SCN3A: variants seen among roughly 807,000 people sequenced by gnomAD.
SCN3A encodes sodium voltage-gated channel alpha subunit 3.
Under a neutral mutation model 187.6 loss-of-function variants are expected in SCN3A, and 60 were observed. The ratio of observed to expected loss-of-function variants is 0.32; its 90% CI spans 0.26 to 0.40. The LOEUF (loss-of-function observed/expected upper bound fraction) is 0.40, where lower values mean the gene tolerates loss of function less well. SCN3A is among the 10% of genes least tolerant of loss of function. The pLI is 1.00. For synonymous variants in SCN3A, 788 were observed against 829.2 expected (o/e 0.95, Z 0.85); for missense variants, 1,601 against 2,428.2 (o/e 0.66, Z 7.16).
Position 165,164,391 on chromosome 2 carries a change from C to T in SCN3A, c.602+1G>A. ...CTTATCAAATTTTCAAAGTTACTCA[C>T]GCCATCACAATGACACTGAAATCCA... On this transcript the variant is annotated splice_donor_variant, in intron 6 of 27. Transcript: ENST00000283254. LOFTEE classifies it high-confidence loss of function. 1.2e-6 allele frequency: 2 copies of T among 1,613,698 alleles called. No individual in the cohort carries two copies. Among genetic ancestry groups the T allele is most frequent in the South Asian group, 1.1e-5 (1 of 91,068 alleles).
chr2:165,122,876 G>A (rs1686778320), intron 18 of SCN3A: 1 of 152,154 alleles, frequency 6.6e-6, no homozygotes. Flanking sequence ...CTGCATTCTT[G>A]ATGGCTCCAG....
chr2:165,133,104 A>AT (rs1237821214), intron 15 of SCN3A, among the ~76,000 whole-genome samples: 1 of 152,180 alleles, frequency 6.6e-6, no homozygotes, highest in Non-Finnish European at 1.5e-5. Context: ...ACCAGTTAGA[A>AT]TGGCAATCAT....
chr2:165,151,037 T>C (rs938474100), intron 11 of SCN3A, among the ~76,000 whole-genome samples: 3 of 152,186 alleles, frequency 2.0e-5, no homozygotes, highest in African/African-American at 7.2e-5. Flanking sequence ...TATTTTAAAA[T>C]ATTTTCAAGT....
At position 165,176,141 on chromosome 2, in the gene SCN3A, A is replaced by T; in HGVS notation, c.254T>A (p.Ile85Asn). The change falls in exon 3 of 28, where the codon ATC becomes AAC. Residue 85 changes from isoleucine to asparagine, a missense_variant. This residue lies in a region of SCN3A where 122 missense variants were observed against 225.1 expected (regional missense o/e 0.54). Coordinates refer to ENST00000283254, the MANE Select transcript of SCN3A (RefSeq NM_006922.4). ...EPLEDLDPYY[I>N]NKKTFIVMNK... is the part of the protein sequence containing the mutation. Reference sequence around the variant, plus strand: ...AAAATCAATACTCACTTTCTTATTGATATAGTAGGGATCCAGGTCCTCCAG... The same window carrying T: ...AAAATCAATACTCACTTTCTTATTGTTATAGTAGGGATCCAGGTCCTCCAG... 1.9e-6 allele frequency: 3 copies of T among 1,613,430 alleles called. No individual in the cohort carries two copies. The highest frequency in any genetic ancestry group is 1.1e-5 in the South Asian group (1 of 91,058).
Position 165,088,517 on chromosome 2 carries a change from T to TTC in SCN3A, c.*1632_*1633insGA, listed in dbSNP as rs1390611457. 6.6e-6 allele frequency: 1 copy of TTC among 152,350 alleles called. No individual in the cohort carries two copies. The highest frequency in any genetic ancestry group is 1.5e-5 in the Non-Finnish European group (1 of 67,936). The allele number at this position is 152,350 out of a possible 1,614,324, so 9.4% of individuals were successfully genotyped here. A position where few individuals can be genotyped will look rare whatever the true frequency, so the allele number is the denominator to read the frequency against. The stretch of plus-strand genomic sequence containing the variant: ...CATAGTTGGTAGAAAATGATCTAGG[T>TTC]TTGAGTGTTTGACCAATGTATCTCC... On this transcript the variant is annotated 3_prime_UTR_variant, in exon 28 of 28. Transcript: ENST00000283254.
At chr2:165,178,683 A>C (rs1053148783) in intron 2 of SCN3A, among the ~76,000 whole-genome samples, 1 of 152,146 alleles carries the variant, frequency 6.6e-6, no homozygotes, top group Non-Finnish European at 1.5e-5. Context: ...ATTTTTCTCT[A>C]CTAATTTTGA....
In SCN3A at chr2:165,102,243, G is replaced by T. The variant is rs570195910; in HGVS notation, c.3844-1819C>A. ...AAGAAAAGTAAAACTGGGTGTGATG[G>T]CCTATGCCTGTAATACCAGTGCTTT... On this transcript the variant is annotated intron_variant, in intron 21 of 27. Transcript: ENST00000283254. Among the ~76,000 whole-genome samples, 6 of 152,350 alleles carry T rather than the reference G, an allele frequency of 3.9e-5. No homozygotes were observed. The East Asian group carries it at 9.7e-4, about 25-fold the overall frequency.
At chr2:165,105,182 C>A (rs188120282) in intron 21 of SCN3A, among the ~76,000 whole-genome samples, 1 of 152,200 alleles carries the variant, frequency 6.6e-6, no homozygotes, top group Non-Finnish European at 1.5e-5. Context: ...CTTCACCCAA[C>A]GCTCTCCAAC....
rs374119133 is a variant in SCN3A at position 165,110,828 on chromosome 2, G to C, written c.3843+2057C>G. On this transcript the variant is annotated intron_variant, in intron 21 of 27. Transcript: ENST00000283254. ...GCAAAGTAATTTTGGGGCACCATTCGTTTGTCATTCATTGAAACATTACTC... is the reference window on the plus strand; with the variant it reads ...GCAAAGTAATTTTGGGGCACCATTCCTTTGTCATTCATTGAAACATTACTC... 2.6e-5 allele frequency among the ~76,000 whole-genome samples: 4 copies of C among 152,088 alleles called. No individual in the cohort carries two copies. The East Asian group carries it at 7.7e-4, about 29-fold the overall frequency.
intron 2 of SCN3A, among the ~76,000 whole-genome samples, chr2:165,183,445 C>T (rs1691016551): frequency 6.6e-6 from 1 of 152,204 alleles, no homozygotes; most frequent in African/African-American, 2.4e-5. Flanking sequence ...TCTAGCCTCA[C>T]CTATCAGTGT....
intron 1 of SCN3A, among the ~76,000 whole-genome samples, chr2:165,200,749 A>G (rs1030693042): frequency 1.6e-4 from 24 of 152,024 alleles, no homozygotes; most frequent in Admixed American, 4.6e-4. Context: ...AAGGATTAGG[A>G]GGCCTGGGGT....
Position 165,176,007 on chromosome 2 carries a change from G to T in SCN3A, c.264+124C>A, listed in dbSNP as rs1690427246. 5 of 813,126 alleles carry T rather than the reference G, an allele frequency of 6.1e-6. No homozygotes were observed. In the South Asian group the frequency reaches 7.3e-5, roughly 12 times the overall value. The allele number at this position is 813,126 out of a possible 1,614,324, so 50.4% of individuals were successfully genotyped here. On this transcript the variant is annotated intron_variant, in intron 3 of 27. Coordinates refer to ENST00000283254, the MANE Select transcript of SCN3A (RefSeq NM_006922.4). Reference sequence around the variant, plus strand: ...TATATTGTGATAAAAATAAGTGACAGTGAAGAGTATTATAAAATCTTTAAC... The same window carrying T: ...TATATTGTGATAAAAATAAGTGACATTGAAGAGTATTATAAAATCTTTAAC...
chr2:165,176,472 G>T, intron 2 of SCN3A, 28 bp from the exon 3 acceptor site: 1 of 1,577,688 alleles, frequency 6.3e-7, no homozygotes, highest in Non-Finnish European at 8.7e-7. Flanking sequence ...TTGCACAAGA[G>T]TTAGGAAAGC....
rs377392930 is a variant in SCN3A at position 165,162,834 on chromosome 2, G to C, written c.695-6C>G. The C allele has an allele frequency of 6.8e-5, 109 of 1,613,912 alleles. 1 individual carries two copies. Among genetic ancestry groups the C allele is most frequent in the Non-Finnish European group, 7.3e-5 (86 of 1,179,940 alleles). Reference sequence around the variant, plus strand: ...CCCCACAATGGTCTTTAAACCTGCAGAGAGAGAACTATAGGTTACCTGAGG... The same window carrying C: ...CCCCACAATGGTCTTTAAACCTGCACAGAGAGAACTATAGGTTACCTGAGG... On this transcript the variant is annotated splice_polypyrimidine_tract_variant and splice_region_variant and intron_variant, in intron 7 of 27. Coordinates refer to ENST00000283254, the MANE Select transcript of SCN3A (RefSeq NM_006922.4).
intron 11 of SCN3A, among the ~76,000 whole-genome samples, chr2:165,147,753 T>C (rs1459433826): frequency 1.3e-5 from 2 of 152,192 alleles, no homozygotes; most frequent in African/African-American, 4.8e-5. Flanking sequence ...GCTTCAAATA[T>C]TTTCTTTCTA....
At chr2:165,160,986 G>T (rs796858778) in intron 9 of SCN3A, among the ~76,000 whole-genome samples, 3 of 152,126 alleles carry the variant, frequency 2.0e-5, no homozygotes, top group African/African-American at 7.2e-5. Context: ...GCAGTGGCAT[G>T]ATCATAGCTC....
At chr2:165,109,854 G>A (rs1240835983) in intron 21 of SCN3A, among the ~76,000 whole-genome samples, 2 of 152,128 alleles carry the variant, frequency 1.3e-5, no homozygotes, top group Non-Finnish European at 2.9e-5. Context: ...TCTTGCCATG[G>A]CCACTGTGTA....
chr2:165,147,077 AAC>A, intron 11 of SCN3A, 48 bp from the exon 12 acceptor site: 2 of 1,607,234 alleles, frequency 1.2e-6, no homozygotes, highest in Non-Finnish European at 1.7e-6. Flanking sequence ...GAGCTTTGAA[AAC>A]AGTTGAGTAT....
In SCN3A at chr2:165,099,733, C is replaced by CA. The variant is rs542112320; in HGVS notation, c.3966+568dup. ...CTCCGTCTAAAAACAAACAAACAAA[C>CA]AAAAAAACCAAAAAACTCTGGAGGT... On this transcript the variant is annotated intron_variant, in intron 22 of 27. Coordinates refer to ENST00000283254, the MANE Select transcript of SCN3A (RefSeq NM_006922.4). Among the ~76,000 whole-genome samples, 8 of 151,970 alleles carry CA rather than the reference C, an allele frequency of 5.3e-5. No homozygotes were observed. In the South Asian group the frequency reaches 6.2e-4, roughly 12 times the overall value.
Sources: gnomAD v4.1 joint callset for allele counts (sites outside exome capture counted in the v4.1 genomes callset) on GRCh38, gnomAD v4.1.1 for gene constraint, gnomAD v4.1.1 regional missense constraint, MANE v1.5 for transcripts, NCBI Gene and HGNC (gene_info 2026-07-23, HGNC 2026-07-21) for gene names.